ZFYVE9: variants seen among roughly 807,000 people sequenced by gnomAD.
ZFYVE9 encodes zinc finger FYVE domain-containing protein 9.
Under a neutral mutation model 126.7 loss-of-function variants are expected in ZFYVE9, and 43 were observed. That is an observed-to-expected ratio of 0.34 (90% CI 0.27 to 0.44). The LOEUF is 0.44. ZFYVE9 is among the 20% of genes least tolerant of loss of function. ZFYVE9 has a pLI of 1.00. For missense variants in ZFYVE9, 1,476 were observed against 1,697.0 expected, an observed-to-expected ratio of 0.87 and a Z score of 2.29; for synonymous variants, 521 against 597.4, an observed-to-expected ratio of 0.87 and a Z score of 1.87.
intron 1 of ZFYVE9, among the ~76,000 whole-genome samples, chr1:52,170,510 TTTC>T (rs1370655958): frequency 2.6e-5 from 4 of 152,230 alleles, no homozygotes; most frequent in East Asian, 1.9e-4. Context: ...TATTACTTCT[TTTC>T]TTCTAATTTT....
At position 52,330,022 on chromosome 1, in the gene ZFYVE9, G is replaced by GATAACATAAC. The variant is rs55926257; in HGVS notation, c.3439-2727_3439-2718dup. Among the ~76,000 whole-genome samples, 250 of 151,222 alleles carry GATAACATAAC rather than the reference G, an allele frequency of 1.7e-3. 2 individuals are homozygous for GATAACATAAC. The highest frequency in any genetic ancestry group is 5.3e-3 in the Admixed American group (81 of 15,186). ...AGGTGGGAGGATCAGTGTCAACCTG[G>GATAACATAAC]ATAACATAACATAACATAACATAAC... On this transcript the variant is annotated intron_variant, in intron 13 of 18. Transcript: ENST00000287727.
intron 13 of ZFYVE9, among the ~76,000 whole-genome samples, chr1:52,304,659 G>A (rs893747369): frequency 1.3e-5 from 2 of 150,968 alleles, no homozygotes; most frequent in African/African-American, 4.9e-5. Flanking sequence ...TCATTTATGC[G>A]TTGAATAAAC....
intron 4 of ZFYVE9, among the ~76,000 whole-genome samples, chr1:52,245,601 C>T (rs563711334): frequency 2.6e-5 from 4 of 152,352 alleles, no homozygotes; most frequent in Admixed American, 6.5e-5. Context: ...CAAAATCACA[C>T]AGCCAGTAAG....
At chr1:52,196,987 T>C (rs1231953970) in intron 1 of ZFYVE9, among the ~76,000 whole-genome samples, 1 of 152,274 alleles carries the variant, frequency 6.6e-6, no homozygotes, top group East Asian at 1.9e-4. Context: ...ATATTTAATA[T>C]CAAACAATTG....
intron 15 of ZFYVE9, among the ~76,000 whole-genome samples, chr1:52,336,947 T>TAAAAAAAAAAA (rs71041896): frequency 3.2e-4 from 35 of 107,840 alleles, no homozygotes; most frequent in African/African-American, 1.0e-3. Context: ...AGTCATCTCT[T>TAAAAAAAAAAA]AAAAAAAAAA....
chr1:52,222,850 C>T (rs1645136872), intron 2 of ZFYVE9, among the ~76,000 whole-genome samples: 1 of 152,198 alleles, frequency 6.6e-6, no homozygotes, highest in Admixed American at 6.5e-5. Context: ...CTATGCCTAA[C>T]CTTAACATTA....
chr1:52,202,571 G>C (rs1369966208), intron 1 of ZFYVE9, among the ~76,000 whole-genome samples: 4 of 152,034 alleles, frequency 2.6e-5, no homozygotes, highest in African/African-American at 4.8e-5. Context: ...ATGAGCCACT[G>C]TGCCTGGCCC....
intron 2 of ZFYVE9, among the ~76,000 whole-genome samples, chr1:52,225,033 C>T (rs182358653): frequency 3.3e-4 from 50 of 152,232 alleles, no homozygotes; most frequent in Non-Finnish European, 5.4e-4. Context: ...ACCACAGAAC[C>T]GAGTCCGGAC....
chr1:52,199,222 G>A (rs146293099), intron 1 of ZFYVE9, among the ~76,000 whole-genome samples: 5,554 of 152,028 alleles, frequency 0.037, 160 homozygotes, highest in Non-Finnish European at 0.058. Flanking sequence ...CTGCCACTAC[G>A]CCCGGCTAAT....
chr1:52,238,360 G>A lies in ZFYVE9; in HGVS notation c.943G>A (p.Glu315Lys). 1 of 1,613,804 alleles carries A rather than the reference G, an allele frequency of 6.2e-7. No homozygotes were observed. Among genetic ancestry groups the A allele is most frequent in the Non-Finnish European group, 8.5e-7 (1 of 1,179,958 alleles). ...GSPNSFSHMS[E>K]GILMKKEPAE... Reference sequence around the variant, plus strand: ...TCCAAATTCCTTTTCCCACATGAGTGAGGGGATTTTGATGAAAAAAGAGCC... The same window carrying A: ...TCCAAATTCCTTTTCCCACATGAGTAAGGGGATTTTGATGAAAAAAGAGCC... The change falls in exon 4 of 19, where the codon GAG becomes AAG. Residue 315 changes from glutamate to lysine, a missense_variant. By Grantham distance (56) the Glu-to-Lys change is moderately conservative. This residue lies in a region of ZFYVE9 where 807 missense variants were observed against 794.6 expected (regional missense o/e 1.02). Coordinates refer to ENST00000287727, the MANE Select transcript of ZFYVE9 (RefSeq NM_004799.4).
chr1:52,307,973 C>T (rs1045901957), intron 13 of ZFYVE9, among the ~76,000 whole-genome samples: 3 of 151,590 alleles, frequency 2.0e-5, no homozygotes, highest in East Asian at 2.0e-4. Flanking sequence ...AGGATGGTCT[C>T]GATCTCCTGA....
At chr1:52,339,746 A>G (rs973982504) in intron 16 of ZFYVE9, among the ~76,000 whole-genome samples, 2 of 152,214 alleles carry the variant, frequency 1.3e-5, no homozygotes, top group South Asian at 2.1e-4. Context: ...TATCATGACA[A>G]GTATCATTAC....
intron 13 of ZFYVE9, among the ~76,000 whole-genome samples, chr1:52,317,507 A>C (rs1440604429): frequency 6.6e-6 from 1 of 152,106 alleles, no homozygotes; most frequent in Non-Finnish European, 1.5e-5. Flanking sequence ...AGAAAGAAAA[A>C]AAGACATCTC....
At chr1:52,164,166 A>T (rs552434082) in intron 1 of ZFYVE9, among the ~76,000 whole-genome samples, 2 of 149,110 alleles carry the variant, frequency 1.3e-5, no homozygotes, top group Non-Finnish European at 3.0e-5. Flanking sequence ...TGTTGCCCAG[A>T]CTGAATTTCT....
intron 8 of ZFYVE9, among the ~76,000 whole-genome samples, chr1:52,275,461 C>T (rs1483867585): frequency 6.6e-6 from 1 of 152,164 alleles, no homozygotes; most frequent in Non-Finnish European, 1.5e-5. Flanking sequence ...TGAGAAATCT[C>T]CAAACTGCTT....
At chr1:52,152,724 A>G (rs1215629531) in intron 1 of ZFYVE9, among the ~76,000 whole-genome samples, 1 of 152,216 alleles carries the variant, frequency 6.6e-6, no homozygotes, top group Non-Finnish European at 1.5e-5. Flanking sequence ...CAAGTTAATA[A>G]CTTCTTTGTG....
intron 3 of ZFYVE9, among the ~76,000 whole-genome samples, chr1:52,235,822 ATC>A (rs1645268491): frequency 1.3e-5 from 2 of 152,204 alleles, no homozygotes; most frequent in South Asian, 4.1e-4. Flanking sequence ...CGCTTACCTC[ATC>A]CTGGAAAATA....
chr1:52,278,813 A>G (rs552470741), intron 9 of ZFYVE9, among the ~76,000 whole-genome samples, 199 bp downstream of exon 9: 1 of 142,686 alleles, frequency 7.0e-6, no homozygotes, highest in South Asian at 2.2e-4. Context: ...TGCAAGCTCC[A>G]CCTCCCGGGT....
intron 4 of ZFYVE9, among the ~76,000 whole-genome samples, chr1:52,255,973 TTTCTTTCTTTCCTTCC>T (rs1557484271): frequency 2.4e-5 from 3 of 124,512 alleles, no homozygotes; most frequent in African/African-American, 1.1e-4. Context: ...CTTTTCTTTC[TTTCTTTCTTTCCTTCC>T]TTCCTTCCTT....
Sources: allele counts gnomAD v4.1 joint callset (sites outside exome capture counted in the v4.1 genomes callset), GRCh38; gene constraint gnomAD v4.1.1; regional missense constraint gnomAD v4.1.1; transcripts MANE v1.5; gene names NCBI Gene and HGNC (gene_info 2026-07-23, HGNC 2026-07-21).